Variants in ABCB11 observed in about 807,000 individuals in gnomAD.
ABCB11 encodes the protein ATP binding cassette subfamily B member 11, also known as bile salt export pump.
ABCB11 carries 95 observed loss-of-function variants against 148.0 expected under a neutral mutation model. The observed-to-expected ratio is 0.64, with a 90% CI of 0.54 to 0.76. The LOEUF (loss-of-function observed/expected upper bound fraction) is 0.76. ABCB11 is among the 30% of genes least tolerant of loss of function. ABCB11 has a pLI of 0.00. For synonymous variants in ABCB11, 591 were observed against 555.4 expected (o/e 1.06, Z -0.90); for missense variants, 1,523 against 1,617.8 (o/e 0.94, Z 1.01).
intron 5 of ABCB11, among the ~76,000 whole-genome samples, chr2:169,006,805 G>T (rs1215638272): frequency 6.6e-6 from 1 of 152,076 alleles, no homozygotes; most frequent in Non-Finnish European, 1.5e-5. Flanking sequence ...TTCCATTTAT[G>T]ATAACATCAA....
intron 5 of ABCB11, among the ~76,000 whole-genome samples, chr2:169,012,894 G>A (rs1312221228): frequency 6.6e-6 from 1 of 152,112 alleles, no homozygotes; most frequent in Admixed American, 6.6e-5. Flanking sequence ...ACAAAGCTAA[G>A]GGGCAGAGGG....
At chr2:168,924,315 C>T (rs1299957213) in intron 27 of ABCB11, among the ~76,000 whole-genome samples, 1 of 152,186 alleles carries the variant, frequency 6.6e-6, no homozygotes, top group Non-Finnish European at 1.5e-5. Context: ...TGCATGTGGC[C>T]TACCTTCTCT....
downstream of ABCB11, among the ~76,000 whole-genome samples, chr2:168,919,536 C>A (rs1691016252): frequency 6.6e-6 from 1 of 152,136 alleles, no homozygotes; most frequent in African/African-American, 2.4e-5. Flanking sequence ...CCTTCCTAAT[C>A]ATCCTGGAGA....
chr2:168,945,542 G>A (rs1376425435), intron 19 of ABCB11, among the ~76,000 whole-genome samples: 2 of 151,472 alleles, frequency 1.3e-5, no homozygotes, highest in African/African-American at 4.8e-5. Context: ...GAGAAAGAAG[G>A]AAGAAAGGAA....
chr2:168,989,486 G>A (rs1256537758), intron 9 of ABCB11, among the ~76,000 whole-genome samples: 1 of 152,038 alleles, frequency 6.6e-6, no homozygotes, highest in Non-Finnish European at 1.5e-5. Context: ...TGGTCTATGT[G>A]TCTGTTTCTA....
intron 12 of ABCB11, among the ~76,000 whole-genome samples, chr2:168,976,035 T>A (rs1056578577): frequency 6.6e-6 from 1 of 152,012 alleles, no homozygotes. Context: ...AGGAAATAAT[T>A]TTTTTCACCA....
At position 168,935,249 on chromosome 2, in the gene ABCB11, A is replaced by G. The variant is rs369798700; in HGVS notation, c.2991T>C (p.Ser997=). 6 of 1,613,902 alleles carry G rather than the reference A, an allele frequency of 3.7e-6. No individual in the cohort carries two copies. In the African/African-American group the frequency reaches 8.0e-5, roughly 22 times the overall value. The change falls in exon 23 of 28, where the codon TCT becomes TCC. Residue 997 remains serine (S), a synonymous_variant. Coordinates refer to ENST00000650372, the MANE Select transcript of ABCB11 (RefSeq NM_003742.4). ...AGTAACCTCCATATCTGTAGGAAGC[A>G]GAATTCGCAATAAACATGATGCACT... ...FAQCIMFIAN[S]ASYRYGGYLI...
intron 1 of ABCB11, among the ~76,000 whole-genome samples, chr2:169,018,432 T>C (rs1695430964): frequency 6.6e-6 from 1 of 152,216 alleles, no homozygotes. Context: ...TAAATTTTCC[T>C]CTAGTTGTTG....
At chr2:168,924,886 G>A in intron 26 of ABCB11, 83 bp from the exon 27 acceptor site, 1 of 1,175,608 alleles carries the variant, frequency 8.5e-7, no homozygotes, top group Non-Finnish European at 1.2e-6. Context: ...GGTCTCCTCT[G>A]TAATTTAAAT....
chr2:169,000,461 A>C (rs186356535), intron 5 of ABCB11, among the ~76,000 whole-genome samples: 4 of 152,106 alleles, frequency 2.6e-5, no homozygotes, highest in Non-Finnish European at 5.9e-5. Context: ...CATTTAAGAA[A>C]ATTTTTGTGT....
chr2:168,967,070 T>C (rs991506222), intron 17 of ABCB11, among the ~76,000 whole-genome samples: 3 of 151,898 alleles, frequency 2.0e-5, no homozygotes, highest in African/African-American at 7.2e-5. Context: ...ATGTCCACTT[T>C]GCAACCTTTA....
At chr2:168,919,629 T>TA (rs1691019845), downstream of ABCB11, among the ~76,000 whole-genome samples, 3 of 148,860 alleles carry the variant, frequency 2.0e-5, no homozygotes, top group African/African-American at 7.5e-5. Context: ...ACCTTATTTT[T>TA]TAAAAAAAAA....
Position 168,996,697 on chromosome 2 carries a change from T to C in ABCB11, c.415A>G (p.Ile139Val), listed in dbSNP as rs959091007. The change falls in exon 6 of 28, where the codon ATC (isoleucine) becomes GTC (valine). Residue 139 changes from isoleucine (I) to valine (V), a missense_variant. Coordinates refer to ENST00000650372, the MANE Select transcript of ABCB11 (RefSeq NM_003742.4). The stretch of plus-strand genomic sequence containing the variant: ...CCAGCATAGTAACTGGCAAATTTGA[T>C]CATTTCGCTCTCGATGTTCAGCAAC... ...CGLLNIESEM[I>V]KFASYYAGIA... 7.0e-6 allele frequency: 11 copies of C among 1,570,060 alleles called. No homozygotes were observed. In the African/African-American group the frequency reaches 1.5e-4, roughly 21 times the overall value.
intron 12 of ABCB11, among the ~76,000 whole-genome samples, chr2:168,975,269 A>C (rs188901171): frequency 0.019 from 528 of 28,504 alleles, 40 homozygotes; most frequent in African/African-American, 0.035. Context: ...AAATATTTAT[A>C]GATAAATATA....
intron 5 of ABCB11, among the ~76,000 whole-genome samples, chr2:169,005,746 A>G (rs191498170): frequency 1.8e-4 from 27 of 152,312 alleles, no homozygotes; most frequent in Admixed American, 1.0e-3. Context: ...GGTAGTAAAT[A>G]TGTTAATTAG....
intron 12 of ABCB11, among the ~76,000 whole-genome samples, chr2:168,974,074 A>G (rs1239752304): frequency 1.3e-5 from 2 of 152,060 alleles, no homozygotes; most frequent in Non-Finnish European, 2.9e-5. Context: ...AGCCATGACC[A>G]AGAAGTAAAA....
intron 19 of ABCB11, among the ~76,000 whole-genome samples, chr2:168,947,883 T>C (rs1692397658): frequency 1.3e-5 from 2 of 151,708 alleles, no homozygotes; most frequent in East Asian, 1.9e-4. Flanking sequence ...ACAGAGAATA[T>C]TGTCACCACC....
chr2:168,943,351 T>C (rs1279698411), intron 21 of ABCB11, among the ~76,000 whole-genome samples: 1 of 151,904 alleles, frequency 6.6e-6, no homozygotes, highest in Non-Finnish European at 1.5e-5. Context: ...TGATTACATT[T>C]TGAGAACTAA....
intron 1 of ABCB11, among the ~76,000 whole-genome samples, chr2:169,018,498 C>T (rs1573985577): frequency 6.6e-6 from 1 of 152,214 alleles, no homozygotes; most frequent in East Asian, 1.9e-4. Flanking sequence ...AATGAGAAAA[C>T]ATTAAAACCA....
Sources: gnomAD v4.1 joint callset for allele counts (sites outside exome capture counted in the v4.1 genomes callset) on GRCh38, gnomAD v4.1.1 for gene constraint, MANE v1.5 for transcripts, NCBI Gene and HGNC (gene_info 2026-07-23, HGNC 2026-07-21) for gene names.